Variants in TANC2 observed in about 807,000 individuals in gnomAD.
TANC2 encodes protein TANC2.
Under a neutral mutation model 210.5 loss-of-function variants are expected in TANC2, and 26 were observed. The ratio of observed to expected loss-of-function variants is 0.12; its 90% CI spans 0.09 to 0.17. TANC2 has a LOEUF of 0.17. Among genes scored for constraint, TANC2 ranks in the 10% least tolerant of loss-of-function variants. The probability of loss-of-function intolerance (pLI) is 1.00; values close to 1 mark genes in which losing one functional copy is unlikely to be tolerated. For synonymous variants in TANC2, 931 were observed against 967.1 expected (o/e 0.96, Z 0.69); for missense variants, 2,129 against 2,608.9 (o/e 0.82, Z 4.01).
intron 6 of TANC2, among the ~76,000 whole-genome samples, chr17:63,199,816 C>T (rs1053245369): frequency 6.6e-6 from 1 of 152,138 alleles, no homozygotes; most frequent in African/African-American, 2.4e-5. Context: ...TAAATAGCTT[C>T]AAGTGTAAGA....
intron 11 of TANC2, among the ~76,000 whole-genome samples, chr17:63,329,234 A>G (rs1312688821): frequency 6.6e-6 from 1 of 152,182 alleles, no homozygotes; most frequent in African/African-American, 2.4e-5. Flanking sequence ...TATAGCATAT[A>G]CTACAGATAA....
At chr17:63,124,539 G>T (rs773226391) in intron 4 of TANC2, among the ~76,000 whole-genome samples, 2 of 152,200 alleles carry the variant, frequency 1.3e-5, no homozygotes, top group Non-Finnish European at 2.9e-5. Flanking sequence ...AAGAAAGAGA[G>T]AGGCTACATA....
intron 8 of TANC2, among the ~76,000 whole-genome samples, chr17:63,262,321 G>A (rs374412692): frequency 1.6e-4 from 24 of 152,004 alleles, no homozygotes; most frequent in African/African-American, 5.6e-4. Context: ...CTAGCACTAC[G>A]GACATGCGCA....
chr17:63,105,194 ATCTC>A (rs2037779336), intron 4 of TANC2, among the ~76,000 whole-genome samples: 2 of 151,800 alleles, frequency 1.3e-5, no homozygotes, highest in Admixed American at 1.3e-4. Flanking sequence ...TTATTATCTA[ATCTC>A]TGGGATAAAA....
chr17:63,367,151 G>A (rs1034181740), intron 14 of TANC2, among the ~76,000 whole-genome samples: 1 of 152,182 alleles, frequency 6.6e-6, no homozygotes, highest in African/African-American at 2.4e-5. Context: ...GCTCTTCCTT[G>A]TACCCACTTG....
chr17:63,087,983 T>C (rs2037040155), intron 3 of TANC2, among the ~76,000 whole-genome samples: 1 of 152,194 alleles, frequency 6.6e-6, no homozygotes, highest in Admixed American at 6.5e-5. Flanking sequence ...TCTAAGCTCC[T>C]TACATGCCAG....
intron 17 of TANC2, chr17:63,391,762 G>A (rs2047984851): frequency 7.5e-6 from 1 of 133,232 alleles, no homozygotes; most frequent in African/African-American, 2.8e-5. Context: ...GCCTGGCTCT[G>A]TTGCCTAGGC....
intron 14 of TANC2, among the ~76,000 whole-genome samples, chr17:63,360,173 T>A (rs536811635): frequency 6.6e-6 from 1 of 152,214 alleles, no homozygotes; most frequent in Non-Finnish European, 1.5e-5. Context: ...AGTTGAAGTT[T>A]GTGTTGATTT....
At chr17:63,294,134 T>C (rs2044465181) in intron 9 of TANC2, among the ~76,000 whole-genome samples, 1 of 152,166 alleles carries the variant, frequency 6.6e-6, no homozygotes, top group Non-Finnish European at 1.5e-5. Flanking sequence ...TAATTTACAT[T>C]GAAGAGATAG....
chr17:63,097,533 A>G (rs1268856714), intron 3 of TANC2, among the ~76,000 whole-genome samples: 1 of 152,068 alleles, frequency 6.6e-6, no homozygotes, highest in Non-Finnish European at 1.5e-5. Flanking sequence ...ACCACACATA[A>G]AATACACCAA....
At chr17:62,971,824 T>C (rs1305903746) in intron 1 of TANC2, among the ~76,000 whole-genome samples, 1 of 152,166 alleles carries the variant, frequency 6.6e-6, no homozygotes, top group African/African-American at 2.4e-5. Flanking sequence ...ATGAGAGGGA[T>C]CCGGGTTGTC....
chr17:63,042,300 CATAAA>C (rs1425816799), intron 2 of TANC2, among the ~76,000 whole-genome samples: 1 of 151,900 alleles, frequency 6.6e-6, no homozygotes, highest in African/African-American at 2.4e-5. Context: ...AGTAAAGCAT[CATAAA>C]ATAAAGCATA....
At chr17:63,196,595 G>A (rs1021016082) in intron 6 of TANC2, among the ~76,000 whole-genome samples, 1 of 152,140 alleles carries the variant, frequency 6.6e-6, no homozygotes, top group Non-Finnish European at 1.5e-5. Flanking sequence ...AAGTAAATGA[G>A]TAGTATCATT....
chr17:63,145,285 G>T (rs1016756924), intron 4 of TANC2, among the ~76,000 whole-genome samples: 1 of 151,996 alleles, frequency 6.6e-6, no homozygotes, highest in African/African-American at 2.4e-5. Flanking sequence ...AACAAAGAAT[G>T]ACACAAACAC....
exon 28 of TANC2, chr17:63,423,518 T>G (rs1205434399): frequency 6.6e-6 from 1 of 152,246 alleles, no homozygotes; most frequent in Admixed American, 6.5e-5. Context: ...CGTTCTCTGT[T>G]GTTAGGAATC....
chr17:63,170,451 A>AG (rs1186622761), intron 5 of TANC2, among the ~76,000 whole-genome samples: 1 of 150,716 alleles, frequency 6.6e-6, no homozygotes, highest in Non-Finnish European at 1.5e-5. Flanking sequence ...AAAAAAAAAA[A>AG]GAAAGAAAAT....
intron 2 of TANC2, among the ~76,000 whole-genome samples, chr17:63,028,324 C>T (rs2144099392): frequency 6.6e-6 from 1 of 152,160 alleles, no homozygotes. Context: ...TCAGGGTCTC[C>T]AGCTGGACCT....
chr17:63,314,229 T>C (rs1263002648), intron 9 of TANC2, among the ~76,000 whole-genome samples, 159 bp from the exon 10 acceptor site: 2 of 152,196 alleles, frequency 1.3e-5, no homozygotes, highest in East Asian at 3.9e-4. Context: ...GTTGCTTATC[T>C]GTATAGAATC....
chr17:63,269,031 C>T (rs867411402), intron 9 of TANC2, among the ~76,000 whole-genome samples: 27 of 152,272 alleles, frequency 1.8e-4, no homozygotes, highest in South Asian at 1.2e-3. Context: ...CTATTCCCTA[C>T]TCTAAGCAGT....
Sources: allele counts gnomAD v4.1 joint callset (sites outside exome capture counted in the v4.1 genomes callset), GRCh38; gene constraint gnomAD v4.1.1; transcripts MANE v1.5; gene names NCBI Gene and HGNC (gene_info 2026-07-23, HGNC 2026-07-21).